The following ZNF385D variants were observed in gnomAD, a reference collection of about 807,000 sequenced individuals.
ZNF385D encodes zinc finger protein 659.
In ZNF385D, 15 loss-of-function variants were observed where a neutral mutation model predicts 35.8. The ratio of observed to expected loss-of-function variants is 0.42; its 90% CI spans 0.28 to 0.64. The LOEUF is 0.64. Among genes scored for constraint, ZNF385D ranks in the 30% least tolerant of loss-of-function variants. The pLI is 0.23. For synonymous variants in ZNF385D, 212 were observed against 186.8 expected (o/e 1.13, Z -1.10); for missense variants, 474 against 494.6 (o/e 0.96, Z 0.39).
chr3:21,648,799 A>G (rs1208413361), intron 2 of ZNF385D, among the ~76,000 whole-genome samples: 2 of 152,196 alleles, frequency 1.3e-5, no homozygotes, highest in Non-Finnish European at 2.9e-5. Flanking sequence ...CAGTATTACT[A>G]AGGCTAGGTG....
At chr3:21,774,928 A>G (rs778109661) in intron 3 of ZNF385D, among the ~76,000 whole-genome samples, 1 of 151,968 alleles carries the variant, frequency 6.6e-6, no homozygotes, top group Non-Finnish European at 1.5e-5. Context: ...AGGTAATAGT[A>G]TGCTGGTAAA....
intron 3 of ZNF385D, among the ~76,000 whole-genome samples, chr3:22,138,154 A>G (rs1214498964): frequency 2.6e-5 from 4 of 152,126 alleles, no homozygotes; most frequent in Non-Finnish European, 5.9e-5. Context: ...CCACTGCTCA[A>G]TGAAATAAAA....
intron 2 of ZNF385D, among the ~76,000 whole-genome samples, chr3:22,238,208 C>T (rs575715009): frequency 6.6e-6 from 1 of 151,208 alleles, no homozygotes; most frequent in African/African-American, 2.4e-5. Context: ...ATTTCTGTGG[C>T]TTGTAGTAAG....
chr3:22,150,437 C>T (rs1705148849), intron 3 of ZNF385D, among the ~76,000 whole-genome samples: 1 of 151,804 alleles, frequency 6.6e-6, no homozygotes, highest in Non-Finnish European at 1.5e-5. Context: ...TGGGTTAACA[C>T]CCACATGGAT....
At chr3:22,284,691 A>G (rs1363981647) in intron 2 of ZNF385D, among the ~76,000 whole-genome samples, 2 of 152,078 alleles carry the variant, frequency 1.3e-5, no homozygotes, top group African/African-American at 2.4e-5. Context: ...AACTAACCAC[A>G]CTATCCAAAC....
Position 22,014,995 on chromosome 3 carries a change from T to TGTCATGTC in ZNF385D, c.325+153821_325+153822insGACATGAC, listed in dbSNP as rs568512410. Among the ~76,000 whole-genome samples the TGTCATGTC allele has an allele frequency of 2.4e-3, 371 of 152,280 alleles. 1 individual carries two copies. The highest frequency in any genetic ancestry group is 8.5e-3 in the African/African-American group (355 of 41,548). On this transcript the variant is annotated intron_variant, in intron 3 of 5. Coordinates refer to the ZNF385D transcript ENST00000494108. Reference sequence around the variant, plus strand: ...AGAAAGAAATTTCATTCATCATACATGTCTTTGTTGTTTGAATGTTCACAA... The same window carrying TGTCATGTC: ...AGAAAGAAATTTCATTCATCATACATGTCATGTCGTCTTTGTTGTTTGAATGTTCACAA...
Position 21,750,998 on chromosome 3 carries a change from A to G in ZNF385D, c.-82T>C, listed in dbSNP as rs2070048663. On this transcript the variant is annotated 5_prime_UTR_variant, in exon 1 of 8. An upstream start codon of the reference 5' UTR is lost. Transcript: ENST00000281523. ...CTGGCACGTAGAGCAGAGCCCTTTC[A>G]TGCTACATTCGGTGGAAATGTCCCC... 6.2e-7 allele frequency: 1 copy of G among 1,611,114 alleles called. No homozygotes were observed. The highest frequency in any genetic ancestry group is 8.5e-7 in the Non-Finnish European group (1 of 1,178,834).
intron 1 of ZNF385D, among the ~76,000 whole-genome samples, chr3:21,744,170 T>A (rs531062801): frequency 6.6e-6 from 1 of 152,154 alleles, no homozygotes; most frequent in Non-Finnish European, 1.5e-5. Context: ...AAATTCCTCA[T>A]CTAAAAATAG....
At chr3:22,175,458 G>GAA (rs71618885) in intron 2 of ZNF385D, among the ~76,000 whole-genome samples, 2 of 144,606 alleles carry the variant, frequency 1.4e-5, no homozygotes, top group African/African-American at 2.5e-5. Flanking sequence ...GAAAAAATGA[G>GAA]AAAAAAAAAG....
chr3:22,211,366 A>G (rs116306387), intron 2 of ZNF385D, among the ~76,000 whole-genome samples: 1,677 of 152,046 alleles, frequency 0.011, 24 homozygotes, highest in African/African-American at 0.038. Context: ...TTTTCAAAAA[A>G]TCTAGTTCCC....
At chr3:21,952,605 C>T (rs552180399) in intron 3 of ZNF385D, among the ~76,000 whole-genome samples, 5 of 152,000 alleles carry the variant, frequency 3.3e-5, no homozygotes, top group Admixed American at 1.3e-4. Flanking sequence ...AATAATAAAA[C>T]CTAACTCAGA....
intron 4 of ZNF385D, among the ~76,000 whole-genome samples, chr3:21,466,036 G>GACA (rs1243348713): frequency 6.6e-5 from 10 of 152,216 alleles, no homozygotes; most frequent in African/African-American, 2.4e-4. Flanking sequence ...CCTACCACCT[G>GACA]GAATGCACCC....
At chr3:21,636,813 T>C (rs1468145232) in intron 2 of ZNF385D, among the ~76,000 whole-genome samples, 5 of 152,060 alleles carry the variant, frequency 3.3e-5, no homozygotes, top group African/African-American at 1.2e-4. Context: ...ACAGGTGGTA[T>C]TGCATTGTGG....
rs1703447704 is a variant in ZNF385D at position 21,465,363 on chromosome 3, T to C, written c.440-28160A>G. 6.6e-6 allele frequency among the ~76,000 whole-genome samples: 1 copy of C among 152,206 alleles called. No homozygotes were observed. The highest frequency in any genetic ancestry group is 2.4e-5 in the African/African-American group (1 of 41,462). On this transcript the variant is annotated intron_variant, in intron 4 of 7. Coordinates refer to ENST00000281523, the MANE Select transcript of ZNF385D (RefSeq NM_024697.3). This position sits in a 1 kb window ranked among gnomAD's most constrained non-coding sequence, Gnocchi z 4.2. ...AATATTTTGGTCTAACAAAGCCATA[T>C]ATAATCCCAATTAATTTGAAATACT...
At chr3:21,929,552 C>T (rs548910678) in intron 3 of ZNF385D, among the ~76,000 whole-genome samples, 1 of 151,980 alleles carries the variant, frequency 6.6e-6, no homozygotes, top group Non-Finnish European at 1.5e-5. Context: ...TTATGTAGAA[C>T]ATTCTAAAGA....
At chr3:22,247,309 T>A (rs1459449712) in intron 2 of ZNF385D, among the ~76,000 whole-genome samples, 1 of 152,044 alleles carries the variant, frequency 6.6e-6, no homozygotes, top group Non-Finnish European at 1.5e-5. Flanking sequence ...ATAAAAAAAC[T>A]AAAGTAAAAA....
At chr3:22,120,149 G>T (rs1576352673) in intron 3 of ZNF385D, among the ~76,000 whole-genome samples, 1 of 151,734 alleles carries the variant, frequency 6.6e-6, no homozygotes, top group African/African-American at 2.4e-5. Flanking sequence ...TTTAATGTGG[G>T]GGACTTAATG....
intron 3 of ZNF385D, among the ~76,000 whole-genome samples, chr3:22,105,638 G>T (rs931017941): frequency 2.0e-5 from 3 of 151,982 alleles, no homozygotes; most frequent in African/African-American, 7.3e-5. Context: ...ACCACCAAGG[G>T]CAAGAGATGA....
At chr3:21,914,611 A>G (rs1374256891) in intron 3 of ZNF385D, among the ~76,000 whole-genome samples, 2 of 152,050 alleles carry the variant, frequency 1.3e-5, no homozygotes, top group Non-Finnish European at 2.9e-5. Context: ...ACAGGAGATT[A>G]TGATGAAAGG....
Sources: gnomAD v4.1 joint callset for allele counts (sites outside exome capture counted in the v4.1 genomes callset) on GRCh38, gnomAD v4.1.1 for gene constraint, Gnocchi (gnomAD v3.1) non-coding constraint, MANE v1.5 for transcripts, NCBI Gene and HGNC (gene_info 2026-07-23, HGNC 2026-07-21) for gene names.